The following SSBP2 variants were observed in gnomAD, a reference collection of about 807,000 sequenced individuals.
SSBP2 encodes the protein single stranded DNA binding protein 2.
Under a neutral mutation model 61.8 loss-of-function variants are expected in SSBP2, and 17 were observed. That is an observed-to-expected ratio of 0.28 (90% confidence interval 0.19 to 0.41). SSBP2 has a LOEUF of 0.41. SSBP2 is among the 10% of genes least tolerant of loss of function. The pLI is 1.00. For missense variants in SSBP2, 310 were observed against 458.7 expected (o/e 0.68, Z 2.96); for synonymous variants, 139 against 141.3 (o/e 0.98, Z 0.12).
chr5:81,479,286 T>G (rs771119342), intron 6 of SSBP2, among the ~76,000 whole-genome samples: 24 of 152,100 alleles, frequency 1.6e-4, no homozygotes, highest in Non-Finnish European at 3.4e-4. Context: ...TTGGCATGCA[T>G]TGTTCTTTTT....
intron 6 of SSBP2, among the ~76,000 whole-genome samples, chr5:81,488,065 A>ATATATTATATATATGTGGTGTGTGTGTGT (rs1459885301): frequency 0.011 from 1,025 of 97,048 alleles, 117 homozygotes; most frequent in Non-Finnish European, 0.019. Flanking sequence ...ATATAAATAA[A>ATATATTATATATATGTGGTGTGTGTGTGT]ATATCATATA....
chr5:81,429,754 T>A (rs1008690559), intron 15 of SSBP2, among the ~76,000 whole-genome samples: 2 of 152,154 alleles, frequency 1.3e-5, no homozygotes, highest in Non-Finnish European at 2.9e-5. Context: ...ACAACTTGTA[T>A]CATAAAAATT....
chr5:81,614,045 G>C (rs1745732212), intron 4 of SSBP2, among the ~76,000 whole-genome samples: 1 of 152,130 alleles, frequency 6.6e-6, no homozygotes, highest in South Asian at 2.1e-4. Flanking sequence ...ACTCTCACTT[G>C]AATAAGGTTA....
chr5:81,577,316 T>G (rs1280311809), intron 4 of SSBP2, among the ~76,000 whole-genome samples: 1 of 152,052 alleles, frequency 6.6e-6, no homozygotes. Flanking sequence ...AAGTAAGTAA[T>G]AAATGTAAAT....
intron 3 of SSBP2, among the ~76,000 whole-genome samples, chr5:81,632,010 G>GA (rs550693753): frequency 1.8e-4 from 28 of 152,116 alleles, no homozygotes; most frequent in African/African-American, 6.5e-4. Flanking sequence ...AGATAGAGGG[G>GA]AAACCTCTAC....
At chr5:81,512,472 T>C (rs769002019) in intron 5 of SSBP2, among the ~76,000 whole-genome samples, 1 of 152,200 alleles carries the variant, frequency 6.6e-6, no homozygotes, top group Non-Finnish European at 1.5e-5. Flanking sequence ...TAAATGCTGG[T>C]GGTTTAATTA....
At chr5:81,432,661 TC>T (rs1442374377) in intron 15 of SSBP2, among the ~76,000 whole-genome samples, 4 of 151,986 alleles carry the variant, frequency 2.6e-5, no homozygotes, top group Non-Finnish European at 5.9e-5. Context: ...CAGGAGAATT[TC>T]TTGAACCTGG....
At chr5:81,573,132 T>C (rs1773951428) in intron 4 of SSBP2, among the ~76,000 whole-genome samples, 1 of 152,218 alleles carries the variant, frequency 6.6e-6, no homozygotes, top group Admixed American at 6.5e-5. Context: ...AAAAGATCTG[T>C]TGGGGTTTTG....
chr5:81,722,397 G>GTTTT (rs202149161), intron 1 of SSBP2, among the ~76,000 whole-genome samples: 8 of 136,430 alleles, frequency 5.9e-5, no homozygotes, highest in Non-Finnish European at 9.4e-5. Flanking sequence ...GTATAATTTT[G>GTTTT]TTTTTTTTTT....
chr5:81,690,901 C>T (rs747496614), intron 1 of SSBP2, among the ~76,000 whole-genome samples: 26 of 152,000 alleles, frequency 1.7e-4, no homozygotes, highest in Admixed American at 1.3e-4. Context: ...AACCAGAACT[C>T]GGTAACAAGA....
At chr5:81,624,692 A>G (rs1350801627) in intron 3 of SSBP2, among the ~76,000 whole-genome samples, 1 of 152,164 alleles carries the variant, frequency 6.6e-6, no homozygotes, top group African/African-American at 2.4e-5. Context: ...AGACCAAAAT[A>G]TATGATTTTA....
chr5:81,530,690 C>A (rs1770322530), intron 4 of SSBP2, among the ~76,000 whole-genome samples: 1 of 152,014 alleles, frequency 6.6e-6, no homozygotes, highest in Admixed American at 6.6e-5. Flanking sequence ...ATATTATAAT[C>A]TTTTGAGTGT....
intron 4 of SSBP2, among the ~76,000 whole-genome samples, chr5:81,539,320 A>C (rs914698134): frequency 1.1e-4 from 17 of 152,206 alleles, no homozygotes; most frequent in African/African-American, 4.1e-4. Context: ...ACGATATCAA[A>C]CTTGACAGAT....
chr5:81,720,531 T>TC (rs1380670730), intron 1 of SSBP2, among the ~76,000 whole-genome samples: 1 of 152,208 alleles, frequency 6.6e-6, no homozygotes, highest in Non-Finnish European at 1.5e-5. Context: ...TAGCTTCTGT[T>TC]TAAATGTTTG....
At chr5:81,501,268 TACAC>T (rs34805388) in intron 5 of SSBP2, among the ~76,000 whole-genome samples, 799 of 35,656 alleles carry the variant, frequency 0.022, 106 homozygotes, top group African/African-American at 0.049. Flanking sequence ...TATATATATA[TACAC>T]ACACACACAC....
chr5:81,678,429 C>G (rs1260829491), intron 1 of SSBP2, among the ~76,000 whole-genome samples: 1 of 151,638 alleles, frequency 6.6e-6, no homozygotes, highest in Non-Finnish European at 1.5e-5. Flanking sequence ...TGTGGGACAA[C>G]TATAAAAATT....
chr5:81,653,359 T>TG (rs1316228551), intron 1 of SSBP2, among the ~76,000 whole-genome samples: 1 of 152,218 alleles, frequency 6.6e-6, no homozygotes, highest in Non-Finnish European at 1.5e-5. Flanking sequence ...GATGGGCACT[T>TG]GGGTTGGCTC....
Position 81,636,584 on chromosome 5 carries a change from G to T in SSBP2, c.170C>A (p.Pro57Gln). The T allele has an allele frequency of 6.2e-7, 1 of 1,610,836 alleles. No homozygotes were observed. The highest frequency in any genetic ancestry group is 8.5e-7 in the Non-Finnish European group (1 of 1,178,320). Residue 57 changes from proline (P) to glutamine (Q), a missense_variant, in exon 3 of 17, where the codon CCA becomes CAA. Around this residue, in one of 4 missense-constraint regions of SSBP2, gnomAD observed 21 missense variants for 59.1 expected, o/e 0.36. Transcript: ENST00000320672. ...CCACCAAGAATGTAAGAATCCTGGTGGTTCCCCCAATGTGATGTTTTTTTC... is the reference window on the plus strand; with the variant it reads ...CCACCAAGAATGTAAGAATCCTGGTTGTTCCCCCAATGTGATGTTTTTTTC...
intron 10 of SSBP2, among the ~76,000 whole-genome samples, chr5:81,449,384 C>A (rs971588080): frequency 2.0e-5 from 3 of 152,054 alleles, no homozygotes; most frequent in African/African-American, 7.2e-5. Flanking sequence ...AACCAGAAAA[C>A]CTATGTTTAA....
Sources: gnomAD v4.1 joint callset for allele counts (sites outside exome capture counted in the v4.1 genomes callset) on GRCh38, gnomAD v4.1.1 for gene constraint, gnomAD v4.1.1 regional missense constraint, MANE v1.5 for transcripts, NCBI Gene and HGNC (gene_info 2026-07-23, HGNC 2026-07-21) for gene names.